The following DDX10 variants were observed in gnomAD, a reference collection of about 807,000 sequenced individuals.
DDX10 encodes DEAD-box helicase 10, also known as probable ATP-dependent RNA helicase DDX10.
In DDX10, 74 loss-of-function variants were observed where a neutral mutation model predicts 104.3. The ratio of observed to expected loss-of-function variants is 0.71; its 90% CI spans 0.59 to 0.86. DDX10 has a LOEUF of 0.86. DDX10 is among the 40% of genes least tolerant of loss of function. DDX10 has a pLI of 0.00. For missense variants in DDX10, 952 were observed against 1,040.0 expected (o/e 0.92, Z 1.16); for synonymous variants, 351 against 353.4 (o/e 0.99, Z 0.08).
chr11:108,715,400 T>C (rs2094290080), intron 10 of DDX10, among the ~76,000 whole-genome samples: 1 of 152,174 alleles, frequency 6.6e-6, no homozygotes, highest in African/African-American at 2.4e-5. Context: ...TGCAAGCCTG[T>C]AGTCCTAGCT....
chr11:108,666,986 T>A (rs74566067), intron 1 of DDX10, among the ~76,000 whole-genome samples: 3 of 152,210 alleles, frequency 2.0e-5, no homozygotes, highest in Non-Finnish European at 4.4e-5. Context: ...TTACCTACTC[T>A]TATATCCAGT....
chr11:108,937,954 A>G (rs1224218338), intron 17 of DDX10, among the ~76,000 whole-genome samples: 1 of 152,152 alleles, frequency 6.6e-6, no homozygotes, highest in African/African-American at 2.4e-5. Context: ...TCTAAGTCCC[A>G]CAGAAGTGCT....
At chr11:108,765,158 A>G (rs576479322) in intron 13 of DDX10, among the ~76,000 whole-genome samples, 2 of 152,294 alleles carry the variant, frequency 1.3e-5, no homozygotes, top group East Asian at 3.9e-4. Context: ...AATTCCCTAA[A>G]GCGGGTTTGT....
chr11:108,675,157 C>T (rs183942117), intron 2 of DDX10, among the ~76,000 whole-genome samples: 1 of 151,278 alleles, frequency 6.6e-6, no homozygotes, highest in South Asian at 2.1e-4. Context: ...ATTTTCTTTA[C>T]TCATTCATGG....
intron 13 of DDX10, among the ~76,000 whole-genome samples, chr11:108,788,490 G>A (rs1308123887): frequency 6.6e-6 from 1 of 152,068 alleles, no homozygotes; most frequent in Non-Finnish European, 1.5e-5. Context: ...AGCCCCCTGA[G>A]AAGCTGGGAT....
At position 108,877,287 on chromosome 11, in the gene DDX10, A is replaced by G. The variant is rs140686430; in HGVS notation, c.2304+25078A>G. ...TTATGATTCTTTGAAAGTCATCAGCACCATTTGTCTTTTATTTTCCATGAT... is the reference window on the plus strand; with the variant it reads ...TTATGATTCTTTGAAAGTCATCAGCGCCATTTGTCTTTTATTTTCCATGAT... On this transcript the variant is annotated intron_variant, in intron 16 of 17. Coordinates refer to ENST00000322536, the MANE Select transcript of DDX10 (RefSeq NM_004398.4). Among the ~76,000 whole-genome samples, 493 of 152,322 alleles carry G rather than the reference A, an allele frequency of 3.2e-3. 2 individuals carry two copies. The highest frequency in any genetic ancestry group is 8.5e-3 in the Admixed American group (130 of 15,306).
chr11:108,783,972 C>T (rs1339308299), intron 13 of DDX10, among the ~76,000 whole-genome samples: 1 of 152,172 alleles, frequency 6.6e-6, no homozygotes, highest in African/African-American at 2.4e-5. Flanking sequence ...CAGCTCTATC[C>T]ATGTTGCAGC....
At chr11:108,918,379 G>T (rs1396027419) in intron 17 of DDX10, 1 of 265,172 alleles carries the variant, frequency 3.8e-6, no homozygotes, top group East Asian at 6.5e-5. Flanking sequence ...CAGAGTTAGG[G>T]TTTTATTTTT....
At chr11:108,799,201 T>G (rs187174626) in intron 13 of DDX10, among the ~76,000 whole-genome samples, 230 of 152,330 alleles carry the variant, frequency 1.5e-3, no homozygotes, top group Non-Finnish European at 2.4e-3. Flanking sequence ...TCCTTTTTCC[T>G]AAATGTGAAT....
Position 108,675,619 on chromosome 11 carries a change from T to C in DDX10, c.271T>C (p.Leu91=). ...AGGTTTGCAAGAAGCTCAGTACCGT[T>C]TGGTGACTGAGATACAGAAGCAGAC... ...LKGLQEAQYR[L]VTEIQKQTIG... is the part of the protein sequence containing the mutation. Residue 91 remains leucine, a synonymous_variant, in exon 3 of 18, where the codon TTG becomes CTG. Transcript: ENST00000322536. The C allele has an allele frequency of 6.2e-7, 1 of 1,614,108 alleles. No homozygotes were observed. The highest frequency in any genetic ancestry group is 8.5e-7 in the Non-Finnish European group (1 of 1,179,976).
chr11:108,814,950 G>A (rs1198073929), intron 13 of DDX10, among the ~76,000 whole-genome samples: 2 of 152,134 alleles, frequency 1.3e-5, no homozygotes, highest in Admixed American at 6.5e-5. Context: ...TTAGAGATGA[G>A]GCAGAAAAGC....
intron 16 of DDX10, among the ~76,000 whole-genome samples, chr11:108,857,214 CG>C (rs2134610115): frequency 6.6e-6 from 1 of 152,104 alleles, no homozygotes; most frequent in South Asian, 2.1e-4. Flanking sequence ...AAAAACAAAT[CG>C]CATCCATGAT....
chr11:108,730,662 C>G (rs115273488), intron 13 of DDX10, among the ~76,000 whole-genome samples: 3,307 of 152,144 alleles, frequency 0.022, 118 homozygotes, highest in African/African-American at 0.075. Flanking sequence ...GTTGAACTTC[C>G]TATAAATGTG....
At chr11:108,893,920 A>G (rs1319925536) in intron 16 of DDX10, among the ~76,000 whole-genome samples, 2 of 152,086 alleles carry the variant, frequency 1.3e-5, no homozygotes, top group African/African-American at 4.8e-5. Flanking sequence ...TACCCAAAGT[A>G]AATGTCTCCT....
intron 6 of DDX10, among the ~76,000 whole-genome samples, chr11:108,684,560 A>G (rs1426612903): frequency 6.8e-6 from 1 of 147,234 alleles, no homozygotes; most frequent in Non-Finnish European, 1.5e-5. Flanking sequence ...ATAGTATTCC[A>G]TGGTGTATAT....
chr11:108,887,849 A>C (rs1863319773), intron 16 of DDX10, among the ~76,000 whole-genome samples: 1 of 152,168 alleles, frequency 6.6e-6, no homozygotes, highest in East Asian at 1.9e-4. Context: ...AAACCTGGGC[A>C]GTAGAGATTG....
intron 13 of DDX10, among the ~76,000 whole-genome samples, chr11:108,729,205 T>C (rs571760376): frequency 6.6e-6 from 1 of 152,274 alleles, no homozygotes; most frequent in Admixed American, 6.5e-5. Flanking sequence ...CCTAGGTCTC[T>C]TTGGGTTATC....
chr11:108,901,445 A>G (rs555141841), intron 16 of DDX10, among the ~76,000 whole-genome samples: 83 of 152,298 alleles, frequency 5.4e-4, no homozygotes, highest in African/African-American at 1.8e-3. Context: ...TTCATTATAG[A>G]ATTTATTACC....
Position 108,679,716 on chromosome 11 carries a change from C to A in DDX10, c.848+156C>A, listed in dbSNP as rs578142754. Among the ~76,000 whole-genome samples, 12 of 152,230 alleles carry A rather than the reference C, an allele frequency of 7.9e-5. No individual in the cohort carries two copies. The South Asian group carries it at 2.5e-3, about 32-fold the overall frequency. On this transcript the variant is annotated intron_variant, in intron 6 of 17. Transcript: ENST00000322536. The stretch of plus-strand genomic sequence containing the variant: ...TATACCAGTTAAAATTACCCAAATT[C>A]TGCATATATCTTTAAATGTCAGGGT...
Sources: gnomAD v4.1 joint callset for allele counts (sites outside exome capture counted in the v4.1 genomes callset) on GRCh38, gnomAD v4.1.1 for gene constraint, MANE v1.5 for transcripts, NCBI Gene and HGNC (gene_info 2026-07-23, HGNC 2026-07-21) for gene names.